The following CSMD3 variants were observed in gnomAD, a reference collection of about 807,000 sequenced individuals.
CSMD3 encodes the protein CUB and sushi domain-containing protein 3.
Under a neutral mutation model 435.2 loss-of-function variants are expected in CSMD3, and 177 were observed. The observed-to-expected ratio is 0.41, with a 90% CI of 0.36 to 0.46. The LOEUF (loss-of-function observed/expected upper bound fraction) is 0.46. Ranked by LOEUF, CSMD3 falls within the 20% of genes least tolerant of loss-of-function variation. CSMD3 has a pLI of 0.34. For missense variants in CSMD3, 4,265 were observed against 4,504.6 expected (o/e 0.95, Z 1.52); for synonymous variants, 1,656 against 1,520.5 (o/e 1.09, Z -2.07).
chr8:112,714,496 G>C (rs2076681161), intron 13 of CSMD3, among the ~76,000 whole-genome samples: 1 of 152,124 alleles, frequency 6.6e-6, no homozygotes, highest in Non-Finnish European at 1.5e-5. Flanking sequence ...ACACCCCACT[G>C]TCAATATTAG....
Position 113,173,764 on chromosome 8 carries a change from C to T in CSMD3, c.667G>A (p.Val223Ile), listed in dbSNP as rs139833442. 27 of 1,613,786 alleles carry T rather than the reference C, an allele frequency of 1.7e-5. No homozygotes were observed. The East Asian group carries it at 5.1e-4, about 31-fold the overall frequency. Reference sequence around the variant, plus strand: ...GGAAAATCCCACGAAGCTGTATTAACTGAATTGGCTATGCAGGTGAGCTGA... The same window carrying T: ...GGAAAATCCCACGAAGCTGTATTAATTGAATTGGCTATGCAGGTGAGCTGA... ...HPQLTCIANS[V>I]NTASWDFPVP... The change falls in exon 4 of 71, where the codon GTT (valine) becomes ATT (isoleucine). Residue 223 changes from valine to isoleucine, a missense_variant. Val to Ile is a conservative substitution (Grantham distance 29). Transcript: ENST00000297405.
At chr8:112,247,969 T>C (rs185021190) in intron 63 of CSMD3, among the ~76,000 whole-genome samples, 1 of 152,256 alleles carries the variant, frequency 6.6e-6, no homozygotes, top group African/African-American at 2.4e-5. Flanking sequence ...ATTAGATTGA[T>C]TGGCATTTAT....
At chr8:113,094,305 C>G (rs1009777470) in intron 5 of CSMD3, among the ~76,000 whole-genome samples, 5 of 152,094 alleles carry the variant, frequency 3.3e-5, no homozygotes, top group Non-Finnish European at 7.4e-5. Flanking sequence ...TAGAGCAGCC[C>G]CCTAAATGGT....
intron 2 of CSMD3, 138 bp downstream of exon 2, chr8:113,314,433 T>C (rs1175016882): frequency 4.5e-6 from 3 of 660,712 alleles, no homozygotes; most frequent in Admixed American, 2.4e-5. Flanking sequence ...GGATGATATA[T>C]TTTCAAATAA....
intron 59 of CSMD3, among the ~76,000 whole-genome samples, chr8:112,270,278 G>A (rs1817345072): frequency 6.6e-6 from 1 of 150,660 alleles, no homozygotes; most frequent in South Asian, 2.1e-4. Context: ...AAATGAACAA[G>A]GCAAATCACA....
intron 13 of CSMD3, among the ~76,000 whole-genome samples, chr8:112,755,383 T>A (rs2077674507): frequency 7.1e-6 from 1 of 140,550 alleles, no homozygotes; most frequent in Non-Finnish European, 1.6e-5. Flanking sequence ...TGAGGGCGAT[T>A]ACCTCCATGC....
At chr8:112,500,049 C>A (rs185583711) in intron 30 of CSMD3, among the ~76,000 whole-genome samples, 2 of 151,858 alleles carry the variant, frequency 1.3e-5, no homozygotes, top group African/African-American at 2.4e-5. Context: ...GCAAAGGTTG[C>A]GGTGAACCGG....
chr8:112,330,248 C>T (rs1289264876), intron 45 of CSMD3, among the ~76,000 whole-genome samples: 2 of 152,068 alleles, frequency 1.3e-5, no homozygotes, highest in African/African-American at 4.8e-5. Flanking sequence ...ACCTGAAACA[C>T]ATTACAGGCC....
chr8:113,074,346 G>T (rs982594985), intron 5 of CSMD3, among the ~76,000 whole-genome samples: 1 of 151,822 alleles, frequency 6.6e-6, no homozygotes, highest in African/African-American at 2.4e-5. Context: ...AAAAGAAAAT[G>T]CAACAGCTGC....
At chr8:112,535,963 A>G (rs1221232759) in intron 27 of CSMD3, among the ~76,000 whole-genome samples, 7 of 152,186 alleles carry the variant, frequency 4.6e-5, no homozygotes, top group Non-Finnish European at 8.8e-5. Context: ...AAAACTGGCT[A>G]GCCATATGTC....
intron 11 of CSMD3, among the ~76,000 whole-genome samples, chr8:112,854,718 G>A (rs1233809990): frequency 6.6e-6 from 1 of 152,192 alleles, no homozygotes; most frequent in African/African-American, 2.4e-5. Flanking sequence ...GATGCTCTGT[G>A]ATAAAGTACA....
chr8:112,510,468 C>A (rs541731424), intron 28 of CSMD3, among the ~76,000 whole-genome samples: 1 of 152,258 alleles, frequency 6.6e-6, no homozygotes, highest in South Asian at 2.1e-4. Flanking sequence ...ATGCCTGTTT[C>A]CCTTCTACAT....
intron 59 of CSMD3, among the ~76,000 whole-genome samples, chr8:112,278,877 A>G (rs1818342294): frequency 6.6e-6 from 1 of 152,132 alleles, no homozygotes; most frequent in African/African-American, 2.4e-5. Context: ...AAACCCAATA[A>G]CAACTGCCCT....
At chr8:112,803,302 T>A (rs2079002649) in intron 12 of CSMD3, among the ~76,000 whole-genome samples, 1 of 152,166 alleles carries the variant, frequency 6.6e-6, no homozygotes, top group African/African-American at 2.4e-5. Context: ...AATGGTGTTT[T>A]AGACCTCCAG....
chr8:112,876,656 T>C (rs1033174339), intron 10 of CSMD3, among the ~76,000 whole-genome samples: 2 of 151,814 alleles, frequency 1.3e-5, no homozygotes, highest in Admixed American at 6.6e-5. Flanking sequence ...AAACTCTCAA[T>C]AAACTAGGTA....
At chr8:113,133,746 T>C (rs2091344673) in intron 4 of CSMD3, among the ~76,000 whole-genome samples, 1 of 152,078 alleles carries the variant, frequency 6.6e-6, no homozygotes, top group South Asian at 2.1e-4. Flanking sequence ...AATATTATTG[T>C]CTTAAAAGGA....
chr8:113,033,594 C>CTTTTG (rs1287097416), intron 5 of CSMD3, among the ~76,000 whole-genome samples: 1 of 123,714 alleles, frequency 8.1e-6, no homozygotes, highest in Non-Finnish European at 1.7e-5. Flanking sequence ...TTTGCTTTTG[C>CTTTTG]TTTTGCTTTT....
At chr8:112,430,332 C>T (rs1246031818) in intron 32 of CSMD3, among the ~76,000 whole-genome samples, 1 of 151,990 alleles carries the variant, frequency 6.6e-6, no homozygotes, top group East Asian at 1.9e-4. Context: ...CATAACTCTT[C>T]CCAAAGATAG....
intron 5 of CSMD3, among the ~76,000 whole-genome samples, chr8:113,064,786 C>A (rs895720822): frequency 6.6e-6 from 1 of 151,854 alleles, no homozygotes; most frequent in Non-Finnish European, 1.5e-5. Flanking sequence ...CTTTTCTTTT[C>A]TTTTATTTAT....
Sources: allele counts gnomAD v4.1 joint callset (sites outside exome capture counted in the v4.1 genomes callset), GRCh38; gene constraint gnomAD v4.1.1; transcripts MANE v1.5; gene names NCBI Gene and HGNC (gene_info 2026-07-23, HGNC 2026-07-21).